The following KCNN3 variants were observed in gnomAD, a reference collection of about 807,000 sequenced individuals.
KCNN3 encodes the protein small conductance calcium-activated potassium channel protein 3.
A neutral mutation model predicts 62.9 loss-of-function variants in KCNN3; 16 were observed. The ratio of observed to expected loss-of-function variants is 0.25; its 90% confidence interval spans 0.17 to 0.39. The LOEUF is 0.39. Ranked by LOEUF, KCNN3 falls within the 10% of genes least tolerant of loss-of-function variation. The pLI is 1.00. For synonymous variants in KCNN3, 370 were observed against 389.2 expected (o/e 0.95, Z 0.58); for missense variants, 599 against 949.4 (o/e 0.63, Z 4.85).
At chr1:154,858,446 G>C (rs1369374500) in intron 1 of KCNN3, among the ~76,000 whole-genome samples, 1 of 152,220 alleles carries the variant, frequency 6.6e-6, no homozygotes, top group Non-Finnish European at 1.5e-5. Flanking sequence ...CAGCCAAATA[G>C]CCAGGATTTG....
chr1:154,774,505 C>T (rs1201844936), intron 2 of KCNN3, among the ~76,000 whole-genome samples: 4 of 152,228 alleles, frequency 2.6e-5, no homozygotes, highest in African/African-American at 9.6e-5. Context: ...TGATTTGATT[C>T]TTGGAGGGTG....
At chr1:154,758,230 A>G (rs762178191) in intron 3 of KCNN3, among the ~76,000 whole-genome samples, 43 of 152,232 alleles carry the variant, frequency 2.8e-4, no homozygotes, top group Non-Finnish European at 1.0e-4. Flanking sequence ...GACTCTGGTC[A>G]GGTTAAGTAC....
chr1:154,717,789 G>C (rs761088933), intron 5 of KCNN3, among the ~76,000 whole-genome samples: 2 of 152,126 alleles, frequency 1.3e-5, no homozygotes, highest in Non-Finnish European at 2.9e-5. Flanking sequence ...CCAGCAAACA[G>C]CCTGGCACAA....
rs1699972422 is a variant in KCNN3 at position 154,706,724 on chromosome 1, A to G, written c.*1252T>C. ...GACTTAAGGTCAGGTAGAAGGGACC[A>G]CATAGGCCACTCTTCATCACTTCTC... On this transcript the variant is annotated 3_prime_UTR_variant, in exon 8 of 8. Transcript: ENST00000271915. 3 of 152,370 alleles carry G rather than the reference A, an allele frequency of 2.0e-5. No homozygotes were observed. The highest frequency in any genetic ancestry group is 7.2e-5 in the African/African-American group (3 of 41,586). The allele number at this position is 152,370 out of a possible 1,614,324, so 9.4% of individuals were successfully genotyped here.
At chr1:154,718,414 T>C (rs1213457120) in intron 5 of KCNN3, among the ~76,000 whole-genome samples, 4 of 152,224 alleles carry the variant, frequency 2.6e-5, no homozygotes, top group Non-Finnish European at 2.9e-5. Flanking sequence ...AGCTAACATA[T>C]ACTGAGTGCT....
At chr1:154,852,770 T>A (rs867690680) in intron 1 of KCNN3, among the ~76,000 whole-genome samples, 31 of 152,210 alleles carry the variant, frequency 2.0e-4, no homozygotes, top group African/African-American at 7.2e-4. Flanking sequence ...TTTTCACTAT[T>A]TTTAATATGG....
rs1699843424 is a variant in KCNN3, at chr1:154,701,053, C to T, written c.*6923G>A. On this transcript the variant is annotated 3_prime_UTR_variant, in exon 8 of 8. Transcript: ENST00000271915. The stretch of plus-strand genomic sequence containing the variant: ...GCACTGAGAGAATTTAGCTCCATAA[C>T]AAGAAAACTTGTGTACAAGTTAGGG... The T allele has an allele frequency of 6.6e-6, 1 of 152,082 alleles. No individual in the cohort carries two copies. The allele number at this position is 152,082 out of a possible 1,614,324, so 9.4% of individuals were successfully genotyped here.
intron 6 of KCNN3, 58 bp downstream of exon 6, chr1:154,714,818 G>A (rs1380230953): frequency 1.2e-6 from 2 of 1,608,330 alleles, no homozygotes; most frequent in Non-Finnish European, 8.5e-7. Flanking sequence ...CAGAGTTGTA[G>A]GAGTCCCGCC....
At chr1:154,815,411 A>C (rs1650621566) in intron 2 of KCNN3, among the ~76,000 whole-genome samples, 1 of 152,076 alleles carries the variant, frequency 6.6e-6, no homozygotes, top group South Asian at 2.1e-4. Context: ...AGGGCACAGC[A>C]TCATCTCCGC....
At chr1:154,735,255 G>A (rs577675329) in intron 3 of KCNN3, among the ~76,000 whole-genome samples, 59 of 152,248 alleles carry the variant, frequency 3.9e-4, no homozygotes, top group African/African-American at 1.1e-3. Context: ...CTCACCCACC[G>A]GAGCCCGGCC....
At chr1:154,868,423 T>G in intron 1 of KCNN3, 2 of 907,036 alleles carry the variant, frequency 2.2e-6, no homozygotes, top group Non-Finnish European at 2.6e-6. Flanking sequence ...CGAGACTCTC[T>G]GAGAAGAGGA....
intron 2 of KCNN3, among the ~76,000 whole-genome samples, chr1:154,820,078 C>T (rs1226682173): frequency 2.6e-5 from 4 of 152,268 alleles, no homozygotes; most frequent in African/African-American, 7.2e-5. Flanking sequence ...GCATCATCTA[C>T]TGCCCATGAT....
intron 2 of KCNN3, among the ~76,000 whole-genome samples, chr1:154,804,126 G>T (rs976234641): frequency 6.6e-6 from 1 of 152,212 alleles, no homozygotes; most frequent in African/African-American, 2.4e-5. Context: ...GTAGGGCTAG[G>T]ATTTGAAGAG....
At chr1:154,754,842 G>A (rs1033659905) in intron 3 of KCNN3, among the ~76,000 whole-genome samples, 4 of 152,154 alleles carry the variant, frequency 2.6e-5, no homozygotes, top group Non-Finnish European at 4.4e-5. Context: ...AGCCTAAAAC[G>A]AATACTAACG....
chr1:154,863,172 T>G (rs1348831481), intron 1 of KCNN3, among the ~76,000 whole-genome samples: 2 of 151,212 alleles, frequency 1.3e-5, no homozygotes, highest in Non-Finnish European at 2.9e-5. Flanking sequence ...CCCCAGCTGC[T>G]CCTCCCCTCC....
chr1:154,731,671 G>A (rs995645750), intron 4 of KCNN3, among the ~76,000 whole-genome samples: 9 of 152,158 alleles, frequency 5.9e-5, no homozygotes, highest in Non-Finnish European at 1.0e-4. Context: ...TGGAGGCAAC[G>A]GGGGTGACAA....
At chr1:154,868,865 C>T (rs1373020663) in intron 1 of KCNN3, among the ~76,000 whole-genome samples, 167 bp downstream of exon 1, 1 of 151,462 alleles carries the variant, frequency 6.6e-6, no homozygotes. Context: ...CCACCACCAC[C>T]ACCTCTCTCT....
At chr1:154,787,938 G>A (rs1649356783) in intron 2 of KCNN3, among the ~76,000 whole-genome samples, 1 of 152,208 alleles carries the variant, frequency 6.6e-6, no homozygotes, top group Admixed American at 6.5e-5. Flanking sequence ...AGCTGGAGGA[G>A]GGGGCAGGAT....
intron 1 of KCNN3, chr1:154,868,312 G>T: frequency 1.0e-6 from 1 of 986,072 alleles, no homozygotes; most frequent in Non-Finnish European, 1.2e-6. Flanking sequence ...GGTTTATTCT[G>T]AGTCCTCTCT....
Sources: gnomAD v4.1 joint callset for allele counts (sites outside exome capture counted in the v4.1 genomes callset) on GRCh38, gnomAD v4.1.1 for gene constraint, MANE v1.5 for transcripts, NCBI Gene and HGNC (gene_info 2026-07-23, HGNC 2026-07-21) for gene names.